Variants in ANKRD12 observed in about 807,000 individuals in gnomAD.
ANKRD12 encodes ankyrin repeat domain 12, also known as ankyrin repeat domain-containing protein 12.
In ANKRD12, 85 loss-of-function variants were observed where a neutral mutation model predicts 183.4. That is an observed-to-expected ratio of 0.46 (90% confidence interval 0.39 to 0.56). The LOEUF (loss-of-function observed/expected upper bound fraction) is 0.56. ANKRD12 is among the 20% of genes least tolerant of loss of function. The pLI, the probability that ANKRD12 is intolerant of heterozygous loss-of-function variation, is 0.00. For synonymous variants in ANKRD12, 914 were observed against 800.2 expected (o/e 1.14, Z -2.40); for missense variants, 2,405 against 2,357.1 (o/e 1.02, Z -0.42).
intron 2 of ANKRD12, among the ~76,000 whole-genome samples, chr18:9,189,212 C>CT (rs774183708): frequency 1.3e-5 from 2 of 152,122 alleles, no homozygotes; most frequent in Non-Finnish European, 2.9e-5. Flanking sequence ...ACAACATCCC[C>CT]TTAAACCAAA....
At position 9,256,962 on chromosome 18, in the gene ANKRD12, A is replaced by T. The variant is rs770802963; in HGVS notation, c.3695A>T (p.Asp1232Val). ...TPRPPVEYDS[D>V]FMLESSESQM... ...AGGCCTCCAGTTGAGTATGACTCTG[A>T]CTTTATGTTAGAGAGTTCAGAATCC... Residue 1232 changes from aspartate (D) to valine (V), a missense_variant, in exon 9 of 13, where the codon GAC (aspartate) becomes GTC (valine). By Grantham distance (152) the Asp-to-Val change is radical. This residue lies in a region of ANKRD12 where 1,983 missense variants were observed against 1,725.9 expected (regional missense o/e 1.15). Coordinates refer to ENST00000262126, the MANE Select transcript of ANKRD12 (RefSeq NM_015208.5). The T allele has an allele frequency of 1.2e-6, 2 of 1,614,078 alleles. 1 individual carries two copies. Among genetic ancestry groups the T allele is most frequent in the South Asian group, 2.2e-5 (2 of 91,086 alleles).
At chr18:9,191,792 C>G (rs1486005806) in intron 2 of ANKRD12, among the ~76,000 whole-genome samples, 1 of 152,154 alleles carries the variant, frequency 6.6e-6, no homozygotes, top group Non-Finnish European at 1.5e-5. Context: ...GACCCCACAT[C>G]CAAACCCCCA....
chr18:9,245,409 G>A (rs1167595170), intron 8 of ANKRD12, among the ~76,000 whole-genome samples: 2 of 152,076 alleles, frequency 1.3e-5, no homozygotes, highest in African/African-American at 4.8e-5. Flanking sequence ...TGTGAACACT[G>A]TGATCATACC....
intron 1 of ANKRD12, among the ~76,000 whole-genome samples, chr18:9,141,324 C>G (rs2078307831): frequency 6.6e-6 from 1 of 152,072 alleles, no homozygotes; most frequent in Admixed American, 6.5e-5. Context: ...CTAGCAAATT[C>G]CACTTTGCTA....
chr18:9,160,239 C>T (rs573331081), intron 1 of ANKRD12, among the ~76,000 whole-genome samples: 132 of 152,182 alleles, frequency 8.7e-4, no homozygotes, highest in Non-Finnish European at 1.7e-3. Flanking sequence ...CTTCAGCCTT[C>T]TGAGTAGCTG....
At chr18:9,150,910 C>A (rs1353212879) in intron 1 of ANKRD12, among the ~76,000 whole-genome samples, 2 of 152,174 alleles carry the variant, frequency 1.3e-5, no homozygotes, top group East Asian at 3.9e-4. Context: ...GCCTTGGCCT[C>A]CCAAAGTGCT....
Position 9,280,624 on chromosome 18 carries a change from A to G in ANKRD12, c.6004-317A>G, listed in dbSNP as rs368066242. Among the ~76,000 whole-genome samples the G allele has an allele frequency of 1.3e-5, 2 of 152,162 alleles. 1 individual carries two copies. Among genetic ancestry groups the G allele is most frequent in the East Asian group, 3.9e-4 (2 of 5,192 alleles). ...GCCGACATGGTGAAACCCCATCTCT[A>G]AGAAAAATACAAAAATTAGCTGGGC... is the stretch of plus-strand genomic sequence containing the variant. On this transcript the variant is annotated intron_variant, in intron 12 of 12. Coordinates refer to ENST00000262126, the MANE Select transcript of ANKRD12 (RefSeq NM_015208.5).
At chr18:9,173,223 C>T (rs751976079) in intron 1 of ANKRD12, among the ~76,000 whole-genome samples, 22 of 152,076 alleles carry the variant, frequency 1.4e-4, no homozygotes, top group Non-Finnish European at 2.9e-5. Flanking sequence ...GCGCCTGCCA[C>T]CATGCCTGGC....
chr18:9,178,503 A>G lies in ANKRD12; in HGVS notation c.-51-3879A>G, dbSNP rs114780298. On this transcript the variant is annotated intron_variant, in intron 1 of 12. Transcript: ENST00000262126. ...ACTTTCCGTTCTGTTCCGTTAATCTATAAGTCTGTCTTTACATTAGTAAAC... is the reference window on the plus strand; with the variant it reads ...ACTTTCCGTTCTGTTCCGTTAATCTGTAAGTCTGTCTTTACATTAGTAAAC... Among the ~76,000 whole-genome samples, 1,136 of 152,238 alleles carry G rather than the reference A, an allele frequency of 7.5e-3. 18 individuals carry two copies. The highest frequency in any genetic ancestry group is 0.025 in the African/African-American group (1,050 of 41,542).
chr18:9,245,994 G>C (rs1183391596), intron 8 of ANKRD12, among the ~76,000 whole-genome samples: 2 of 152,144 alleles, frequency 1.3e-5, no homozygotes, highest in Non-Finnish European at 2.9e-5. Flanking sequence ...CCACTTACTA[G>C]CTTTATGGTC....
chr18:9,151,672 C>G (rs766019845), intron 1 of ANKRD12, among the ~76,000 whole-genome samples: 22 of 152,074 alleles, frequency 1.4e-4, no homozygotes, highest in Non-Finnish European at 2.2e-4. Flanking sequence ...CTTTTTTTCT[C>G]AAATCAATTT....
chr18:9,182,334 C>CTTCAGGTAGGTT (rs60039834), intron 1 of ANKRD12, 48 bp from the exon 2 acceptor site: 399,519 of 506,804 alleles, frequency 0.79, 158,709 homozygotes, highest in Middle Eastern at 0.87. Context: ...TGGTGCGTAA[C>CTTCAGGTAGGTT]CTATTGTATA....
intron 10 of ANKRD12, among the ~76,000 whole-genome samples, chr18:9,264,360 T>C (rs1210957721): frequency 1.3e-5 from 2 of 152,242 alleles, no homozygotes; most frequent in Non-Finnish European, 2.9e-5. Flanking sequence ...ATAGGAATTA[T>C]AAGTCATTTC....
At chr18:9,153,197 A>G (rs964778005) in intron 1 of ANKRD12, among the ~76,000 whole-genome samples, 4 of 152,178 alleles carry the variant, frequency 2.6e-5, no homozygotes, top group Non-Finnish European at 5.9e-5. Flanking sequence ...GGGTATTTAC[A>G]TGTCCTTCTA....
intron 8 of ANKRD12, among the ~76,000 whole-genome samples, chr18:9,232,056 A>G (rs940817602): frequency 2.0e-5 from 3 of 152,052 alleles, no homozygotes. Context: ...AATTTTATTG[A>G]TATGTGAAGA....
intron 8 of ANKRD12, among the ~76,000 whole-genome samples, chr18:9,240,296 T>C (rs774612323): frequency 4.6e-5 from 7 of 152,338 alleles, no homozygotes; most frequent in Middle Eastern, 6.8e-3. Flanking sequence ...CATAATTCTT[T>C]AGTCTTTTTT....
intron 1 of ANKRD12, among the ~76,000 whole-genome samples, chr18:9,166,804 C>G (rs1190049720): frequency 6.6e-6 from 1 of 152,170 alleles, no homozygotes; most frequent in African/African-American, 2.4e-5. Flanking sequence ...TGCCTGTGTC[C>G]TGAATGGTAT....
intron 1 of ANKRD12, among the ~76,000 whole-genome samples, chr18:9,163,483 C>G (rs1374909772): frequency 2.0e-5 from 3 of 152,104 alleles, no homozygotes; most frequent in Non-Finnish European, 2.9e-5. Context: ...TAGCTTTGTT[C>G]TTTTTCCTTA....
chr18:9,179,996 C>T lies in ANKRD12; in HGVS notation c.-51-2386C>T, dbSNP rs201023224. Among the ~76,000 whole-genome samples the T allele has an allele frequency of 6.6e-5, 10 of 152,256 alleles. 1 individual carries two copies. The highest frequency in any genetic ancestry group is 6.2e-4 in the South Asian group (3 of 4,826). On this transcript the variant is annotated intron_variant, in intron 1 of 12. Transcript: ENST00000262126. ...ACATCAATTAGAACCAACTGATTAA[C>T]GGCGTTTTTCTGTTCTTATATAATC...
Sources: gnomAD v4.1 joint callset for allele counts (sites outside exome capture counted in the v4.1 genomes callset) on GRCh38, gnomAD v4.1.1 for gene constraint, gnomAD v4.1.1 regional missense constraint, MANE v1.5 for transcripts, NCBI Gene and HGNC (gene_info 2026-07-23, HGNC 2026-07-21) for gene names.